IFT172: variants seen among roughly 807,000 people sequenced by gnomAD.
The protein encoded by IFT172 is intraflagellar transport protein 172 homolog.
IFT172 carries 164 observed loss-of-function variants against 248.9 expected under a neutral mutation model. The observed-to-expected ratio is 0.66, with a 90% CI of 0.58 to 0.75. IFT172 has a LOEUF of 0.75. Among genes scored for constraint, IFT172 ranks in the 30% least tolerant of loss-of-function variants. The probability of loss-of-function intolerance (pLI) is 0.00; values close to 1 mark genes in which losing one functional copy is unlikely to be tolerated. For synonymous variants in IFT172, 729 were observed against 791.6 expected, an observed-to-expected ratio of 0.92 and a Z score of 1.33; for missense variants, 1,950 against 2,192.4, an observed-to-expected ratio of 0.89 and a Z score of 2.21.
intron 18 of IFT172, among the ~76,000 whole-genome samples, chr2:27,465,049 G>A (rs914048086): frequency 6.6e-6 from 1 of 151,282 alleles, no homozygotes; most frequent in Non-Finnish European, 1.5e-5. Flanking sequence ...AGCCTCCTCA[G>A]TAGCTGGGAT....
rs368155460 is a variant in IFT172 at position 27,480,187 on chromosome 2, C to G, written c.786-38G>C. 1.7e-5 allele frequency: 28 copies of G among 1,600,712 alleles called. No homozygotes were observed. In the East Asian group the frequency reaches 3.6e-4, roughly 20 times the overall value. ...ATGTGGCTTTTAGAAGAGATTGAGG[C>G]TGAGCTAAAGAGTGCAAATGGGCTG... On this transcript the variant is annotated intron_variant, in intron 8 of 47. Transcript: ENST00000260570.
chr2:27,457,044 C>CA (rs377673459), intron 29 of IFT172, among the ~76,000 whole-genome samples: 22 of 151,484 alleles, frequency 1.5e-4, no homozygotes, highest in African/African-American at 5.1e-4. Context: ...AACTCCATCT[C>CA]AAAAAATAAA....
chr2:27,455,046 C>T (rs1306407077), intron 30 of IFT172: 1 of 292,700 alleles, frequency 3.4e-6, no homozygotes, highest in Non-Finnish European at 6.5e-6. Context: ...GAAACAGAGT[C>T]TCTCCAAAAA....
intron 2 of IFT172, 85 bp from the exon 3 acceptor site, chr2:27,485,215 C>T: frequency 8.3e-6 from 12 of 1,439,058 alleles, no homozygotes; most frequent in Non-Finnish European, 1.2e-5. Context: ...CATATGTGTG[C>T]TCCTAAGGGA....
intron 29 of IFT172, among the ~76,000 whole-genome samples, chr2:27,457,270 C>T (rs1309757799): frequency 3.3e-5 from 5 of 152,152 alleles, no homozygotes; most frequent in African/African-American, 4.8e-5. Context: ...GAATTAGTCA[C>T]TTAAAGTGGG....
Position 27,454,070 on chromosome 2 carries a change from CG to C in IFT172, c.3622del (p.Arg1208GlyfsTer109). The C allele has an allele frequency of 6.2e-7, 1 of 1,614,130 alleles. No individual in the cohort carries two copies. Among genetic ancestry groups the C allele is most frequent in the Non-Finnish European group, 8.5e-7 (1 of 1,180,020 alleles). ...SVAEVLVGQA[R>X]GALEEKDFQK... ...AAAGTCCTTCTCCTCCAAGGCCCCCCGGGCCTGTCCCACAAGCACCTCGGCG... is the reference window on the plus strand; with the variant it reads ...AAAGTCCTTCTCCTCCAAGGCCCCCCGGCCTGTCCCACAAGCACCTCGGCG... On this transcript the variant is annotated frameshift_variant, in exon 33 of 48. Coordinates refer to ENST00000260570, the MANE Select transcript of IFT172 (RefSeq NM_015662.3). LOFTEE classifies it high-confidence loss of function. This position sits in a 1 kb window ranked among gnomAD's most constrained non-coding sequence, Gnocchi z 4.2.
chr2:27,448,096 T>A (rs573016168), intron 40 of IFT172, among the ~76,000 whole-genome samples, 174 bp from the exon 41 acceptor site: 326 of 152,168 alleles, frequency 2.1e-3, no homozygotes, highest in African/African-American at 6.2e-3. Flanking sequence ...TTTATTTTTT[T>A]AATTTTATTT....
intron 16 of IFT172, among the ~76,000 whole-genome samples, chr2:27,467,614 A>G: frequency 2.0e-5 from 1 of 49,974 alleles, no homozygotes; most frequent in Non-Finnish European, 3.8e-5. Context: ...CCCTGTCTCC[A>G]AAAAAAAAAA....
chr2:27,481,225 G>A lies in IFT172; in HGVS notation c.606C>T (p.Ala202=). ...KLVNHPCPPY[A]LAWATNSIVA... ...CGATGCTATTGGTTGCCCATGCCAA[G>A]GCATAGGGTGGACACGGGTGGTTAA... The change falls in exon 8 of 48, where the codon GCC becomes GCT. Residue 202 remains alanine (A), a synonymous_variant. Coordinates refer to ENST00000260570, the MANE Select transcript of IFT172 (RefSeq NM_015662.3). The A allele has an allele frequency of 6.2e-7, 1 of 1,612,434 alleles. No homozygotes were observed.
intron 35 of IFT172, 76 bp downstream of exon 35, chr2:27,453,308 A>C: frequency 6.5e-7 from 1 of 1,545,670 alleles, no homozygotes; most frequent in Non-Finnish European, 8.9e-7. Flanking sequence ...GAAAGAGCTG[A>C]AGATGTGAGA....
intron 7 of IFT172, 101 bp downstream of exon 7, chr2:27,483,188 T>C (rs1289632287): frequency 1.4e-6 from 1 of 732,466 alleles, no homozygotes; most frequent in Non-Finnish European, 2.4e-6. Context: ...ATTTATTTTT[T>C]GTTTTTTTGG....
chr2:27,449,953 A>G, intron 36 of IFT172, 45 bp downstream of exon 36: 1 of 1,545,818 alleles, frequency 6.5e-7, no homozygotes, highest in Non-Finnish European at 8.9e-7. Context: ...CCTTGCACCC[A>G]TCTCTGTGAA....
chr2:27,479,213 G>A (rs1234550532), intron 10 of IFT172, among the ~76,000 whole-genome samples: 1 of 152,112 alleles, frequency 6.6e-6, no homozygotes, highest in East Asian at 1.9e-4. Flanking sequence ...CACCATATTA[G>A]CCAGGATGGT....
intron 13 of IFT172, 101 bp downstream of exon 13, chr2:27,477,116 C>A: frequency 9.3e-7 from 1 of 1,069,950 alleles, no homozygotes; most frequent in Non-Finnish European, 1.4e-6. Context: ...TGAGCCACCA[C>A]ACCTGGCTGA....
chr2:27,483,054 G>A (rs1310826640), intron 7 of IFT172, among the ~76,000 whole-genome samples: 1 of 142,592 alleles, frequency 7.0e-6, no homozygotes, highest in Non-Finnish European at 1.5e-5. Context: ...CCAGGCTGTA[G>A]TGCAGTGGTG....
chr2:27,488,411 C>G (rs1558421924), intron 1 of IFT172, among the ~76,000 whole-genome samples: 2 of 152,026 alleles, frequency 1.3e-5, no homozygotes, highest in Non-Finnish European at 2.9e-5. Context: ...GCCTCGGCCT[C>G]CCAAAGTACA....
intron 18 of IFT172, among the ~76,000 whole-genome samples, chr2:27,465,021 A>C (rs967619277): frequency 2.0e-5 from 3 of 151,702 alleles, no homozygotes; most frequent in Non-Finnish European, 4.4e-5. Context: ...TCCTGGGTTC[A>C]AGCAATTCTC....
chr2:27,488,022 A>T (rs533510586), intron 1 of IFT172, among the ~76,000 whole-genome samples: 49 of 152,138 alleles, frequency 3.2e-4, no homozygotes, highest in African/African-American at 8.9e-4. Context: ...TCACTCTGTC[A>T]CCCAGGCTGG....
At chr2:27,489,591 AG>A in intron 1 of IFT172, 23 bp downstream of exon 1, 1 of 1,581,152 alleles carries the variant, frequency 6.3e-7, no homozygotes, top group Non-Finnish European at 8.7e-7. Context: ...CATAAGGGGG[AG>A]GGACTGGCAC....
Sources: allele counts gnomAD v4.1 joint callset (sites outside exome capture counted in the v4.1 genomes callset), GRCh38; gene constraint gnomAD v4.1.1; non-coding constraint Gnocchi (gnomAD v3.1); transcripts MANE v1.5; gene names NCBI Gene and HGNC (gene_info 2026-07-23, HGNC 2026-07-21).